The following KCNMB2 variants were observed in gnomAD, a reference collection of about 807,000 sequenced individuals.
KCNMB2 encodes calcium-activated potassium channel subunit beta-2.
Under a neutral mutation model 24.5 loss-of-function variants are expected in KCNMB2, and 9 were observed. The observed-to-expected ratio is 0.37, with a 90% CI of 0.22 to 0.64. KCNMB2 has a LOEUF of 0.64. Among genes scored for constraint, KCNMB2 ranks in the 30% least tolerant of loss-of-function variants. The probability of loss-of-function intolerance (pLI) is 0.63; values close to 1 mark genes in which losing one functional copy is unlikely to be tolerated. For missense variants in KCNMB2, 226 were observed against 284.3 expected (o/e 0.79, Z 1.47); for synonymous variants, 109 against 104.4 (o/e 1.04, Z -0.27).
intron 1 of KCNMB2, among the ~76,000 whole-genome samples, chr3:178,693,630 T>G (rs1165327850): frequency 6.6e-6 from 1 of 152,216 alleles, no homozygotes; most frequent in African/African-American, 2.4e-5. Context: ...GTTGTTGATA[T>G]GCTGATGGAT....
chr3:178,745,901 C>A (rs1314366582), intron 1 of KCNMB2, among the ~76,000 whole-genome samples: 1 of 152,206 alleles, frequency 6.6e-6, no homozygotes, highest in South Asian at 2.1e-4. Context: ...GACAGCTCTG[C>A]CTCTGTGGCT....
chr3:178,620,127 T>C (rs1718855432), intron 1 of KCNMB2, among the ~76,000 whole-genome samples: 1 of 152,188 alleles, frequency 6.6e-6, no homozygotes, highest in South Asian at 2.1e-4. Context: ...ATATATATTA[T>C]GATATGTTCC....
intron 1 of KCNMB2, among the ~76,000 whole-genome samples, chr3:178,628,259 A>G (rs1326924396): frequency 1.3e-5 from 2 of 152,166 alleles, no homozygotes; most frequent in African/African-American, 4.8e-5. Flanking sequence ...GGACTGAACA[A>G]AAGAAGACAA....
At chr3:178,697,598 A>G (rs966101015) in intron 1 of KCNMB2, among the ~76,000 whole-genome samples, 9 of 152,138 alleles carry the variant, frequency 5.9e-5, no homozygotes, top group African/African-American at 2.2e-4. Flanking sequence ...TATTTAGCCC[A>G]TTTACACTTA....
At chr3:178,790,898 T>A (rs1250873865) in intron 1 of KCNMB2, among the ~76,000 whole-genome samples, 8 of 152,262 alleles carry the variant, frequency 5.3e-5, no homozygotes, top group Admixed American at 5.2e-4. Flanking sequence ...ACAGTGTTAC[T>A]GGGCTTGAGG....
At chr3:178,761,294 A>T (rs1260840271) in intron 1 of KCNMB2, among the ~76,000 whole-genome samples, 1 of 152,208 alleles carries the variant, frequency 6.6e-6, no homozygotes, top group Non-Finnish European at 1.5e-5. Context: ...CAATAGTAGC[A>T]TTGTGCATTC....
intron 1 of KCNMB2, among the ~76,000 whole-genome samples, chr3:178,773,401 T>C (rs1712455985): frequency 6.6e-6 from 1 of 152,176 alleles, no homozygotes; most frequent in African/African-American, 2.4e-5. Flanking sequence ...AAATGCTCAA[T>C]AATATTAATA....
chr3:178,764,146 C>T (rs1477609795), intron 1 of KCNMB2, among the ~76,000 whole-genome samples: 1 of 152,194 alleles, frequency 6.6e-6, no homozygotes, highest in Non-Finnish European at 1.5e-5. Flanking sequence ...ATAAAATCTA[C>T]ATCTCATTAT....
chr3:178,706,757 G>A (rs1045790508), intron 1 of KCNMB2, among the ~76,000 whole-genome samples: 4 of 151,998 alleles, frequency 2.6e-5, no homozygotes, highest in South Asian at 2.1e-4. Flanking sequence ...TTGCAAGTGC[G>A]CATTATAGTC....
chr3:178,799,332 T>A (rs769667579), intron 1 of KCNMB2, among the ~76,000 whole-genome samples: 1 of 152,128 alleles, frequency 6.6e-6, no homozygotes, highest in Non-Finnish European at 1.5e-5. Context: ...TTCAGTAAAG[T>A]TGCAGGATCC....
intron 1 of KCNMB2, among the ~76,000 whole-genome samples, chr3:178,733,969 G>A (rs1723237404): frequency 6.6e-6 from 1 of 152,186 alleles, no homozygotes; most frequent in South Asian, 2.1e-4. Flanking sequence ...TATTTTAAAA[G>A]CAGAGCCAAT....
intron 1 of KCNMB2, among the ~76,000 whole-genome samples, chr3:178,561,188 G>A (rs1225195837): frequency 6.6e-6 from 1 of 152,080 alleles, no homozygotes; most frequent in African/African-American, 2.4e-5. Flanking sequence ...TAGTCATAAG[G>A]ATAATGTTAT....
chr3:178,586,538 C>CTTTTTTTTTTCTTTCTT (rs1717439913), intron 1 of KCNMB2, among the ~76,000 whole-genome samples: 2 of 68,498 alleles, frequency 2.9e-5, no homozygotes, highest in African/African-American at 1.1e-4. Context: ...TTTTTTCTTT[C>CTTTTTTTTTTCTTTCTT]TTTTTTTTTT....
intron 1 of KCNMB2, among the ~76,000 whole-genome samples, chr3:178,653,816 T>A (rs1434290608): frequency 1.3e-5 from 2 of 151,752 alleles, no homozygotes; most frequent in African/African-American, 4.8e-5. Flanking sequence ...ACTTGCAACA[T>A]CTGCACCAAT....
chr3:178,779,866 T>C (rs1178750743), intron 1 of KCNMB2, among the ~76,000 whole-genome samples: 1 of 152,168 alleles, frequency 6.6e-6, no homozygotes, highest in Non-Finnish European at 1.5e-5. Flanking sequence ...TATACCATCC[T>C]CATTAACTAA....
intron 1 of KCNMB2, among the ~76,000 whole-genome samples, chr3:178,730,602 C>T (rs1475441611): frequency 6.6e-6 from 1 of 152,198 alleles, no homozygotes; most frequent in Admixed American, 6.5e-5. Context: ...AATTTATTTC[C>T]GTCAAACAAT....
intron 1 of KCNMB2, among the ~76,000 whole-genome samples, chr3:178,662,483 A>G (rs1304292957): frequency 6.6e-6 from 1 of 152,196 alleles, no homozygotes. Flanking sequence ...GATGAAGACT[A>G]TATACAAAAT....
At chr3:178,750,450 C>T (rs1318927731) in intron 1 of KCNMB2, among the ~76,000 whole-genome samples, 1 of 152,152 alleles carries the variant, frequency 6.6e-6, no homozygotes, top group Non-Finnish European at 1.5e-5. Flanking sequence ...AAACAGTCTT[C>T]ATTGATAAGG....
intron 1 of KCNMB2, among the ~76,000 whole-genome samples, chr3:178,623,023 A>G (rs1214895911): frequency 6.6e-6 from 1 of 152,260 alleles, no homozygotes; most frequent in South Asian, 2.1e-4. Flanking sequence ...TTGGGACACC[A>G]GTAAGTAGTC....
Sources: allele counts gnomAD v4.1 joint callset (sites outside exome capture counted in the v4.1 genomes callset), GRCh38; gene constraint gnomAD v4.1.1; transcripts MANE v1.5; gene names NCBI Gene and HGNC (gene_info 2026-07-23, HGNC 2026-07-21).